Variants in CACHD1 observed in about 807,000 individuals in gnomAD.
CACHD1 encodes the protein VWFA and cache domain-containing protein 1.
In CACHD1, 71 loss-of-function variants were observed where a neutral mutation model predicts 138.7. That is an observed-to-expected ratio of 0.51 (90% CI 0.42 to 0.62). The LOEUF (loss-of-function observed/expected upper bound fraction) is 0.62. Among genes scored for constraint, CACHD1 ranks in the 20% least tolerant of loss-of-function variants. The probability of loss-of-function intolerance (pLI) is 0.00; values close to 1 mark genes in which losing one functional copy is unlikely to be tolerated. For synonymous variants in CACHD1, 578 were observed against 591.5 expected (o/e 0.98, Z 0.33); for missense variants, 1,389 against 1,625.3 (o/e 0.85, Z 2.50).
intron 2 of CACHD1, among the ~76,000 whole-genome samples, chr1:64,552,647 G>A (rs1310186216): frequency 6.6e-6 from 1 of 151,726 alleles, no homozygotes; most frequent in Non-Finnish European, 1.5e-5. Flanking sequence ...CTGATTTTTT[G>A]TTGTTGTTTT....
chr1:64,486,403 C>T (rs1392892725), intron 1 of CACHD1, among the ~76,000 whole-genome samples: 1 of 151,714 alleles, frequency 6.6e-6, no homozygotes, highest in Non-Finnish European at 1.5e-5. Flanking sequence ...TACACATACA[C>T]ACACACACAT....
chr1:64,651,776 C>A (rs1649105290), intron 9 of CACHD1, among the ~76,000 whole-genome samples: 1 of 152,218 alleles, frequency 6.6e-6, no homozygotes, highest in Admixed American at 6.5e-5. Flanking sequence ...TTTTTAGATT[C>A]ATTGTCCATT....
At chr1:64,505,229 A>C (rs1456680802) in intron 1 of CACHD1, among the ~76,000 whole-genome samples, 1 of 152,134 alleles carries the variant, frequency 6.6e-6, no homozygotes, top group Non-Finnish European at 1.5e-5. Context: ...CCCAGTGCAG[A>C]TGGAAAGGAA....
rs1394302833 is a variant in CACHD1 at position 64,489,397 on chromosome 1, A to C, written c.198+18455A>C. Among the ~76,000 whole-genome samples, 3 of 152,150 alleles carry C rather than the reference A, an allele frequency of 2.0e-5. No homozygotes were observed. In the South Asian group the frequency reaches 6.2e-4, roughly 31 times the overall value. ...TAAGTAGTGCAGAGACCTTCCCCAA[A>C]GGAGGCGAGAGATATGGATGATTCC... On this transcript the variant is annotated intron_variant, in intron 1 of 26. Coordinates refer to ENST00000651257, the MANE Select transcript of CACHD1 (RefSeq NM_020925.4).
intron 16 of CACHD1, 75 bp downstream of exon 16, chr1:64,666,242 C>G (rs530829844): frequency 3.9e-5 from 36 of 913,848 alleles, no homozygotes; most frequent in Admixed American, 1.3e-4. Context: ...TAGAAGAGTA[C>G]GCGCACCAAG....
At chr1:64,650,889 AT>A (rs1247523907) in intron 9 of CACHD1, among the ~76,000 whole-genome samples, 2 of 152,230 alleles carry the variant, frequency 1.3e-5, no homozygotes, top group African/African-American at 4.8e-5. Flanking sequence ...CGTAAAGATC[AT>A]TTTATCTCAC....
intron 1 of CACHD1, among the ~76,000 whole-genome samples, chr1:64,524,825 A>G (rs1056244752): frequency 1.3e-5 from 2 of 152,182 alleles, no homozygotes; most frequent in East Asian, 1.9e-4. Context: ...TGTGCTCACT[A>G]TATTTCTGGC....
intron 1 of CACHD1, among the ~76,000 whole-genome samples, chr1:64,505,288 T>C (rs190735564): frequency 3.9e-4 from 59 of 152,158 alleles, no homozygotes; most frequent in Admixed American, 3.9e-3. Flanking sequence ...CCTGTACTGG[T>C]ACCTGCTCAG....
rs1649533856 is a variant in CACHD1 at position 64,663,834 on chromosome 1, C to T, written c.2091C>T (p.Leu697=). 6.2e-7 allele frequency: 1 copy of T among 1,614,116 alleles called. No homozygotes were observed. The highest frequency in any genetic ancestry group is 1.1e-5 in the South Asian group (1 of 91,078). ...DNTRLIANPG[L]KFSVRNEVMA... is the part of the protein sequence containing the mutation. ...CCCGCCTCATTGCTAACCCGGGCCT[C>T]AAAGTAAGCATTGGCGCAGAGCTCC... Residue 697 remains leucine (L), a synonymous_variant, in exon 14 of 27, where the codon CTC becomes CTT. Transcript: ENST00000651257.
intron 16 of CACHD1, among the ~76,000 whole-genome samples, chr1:64,669,505 C>T (rs1188836900): frequency 6.6e-6 from 1 of 152,128 alleles, no homozygotes; most frequent in Non-Finnish European, 1.5e-5. Flanking sequence ...TCTTGTGATT[C>T]TTTCATACAC....
chr1:64,671,653 C>G lies in CACHD1; in HGVS notation c.2477C>G (p.Pro826Arg), dbSNP rs750982354. Residue 826 changes from proline (P) to arginine (R), a missense_variant, in exon 17 of 27, where the codon CCT becomes CGT. Physicochemically the swap from Pro to Arg is moderately radical, Grantham distance 103 (BLOSUM62 -2). Transcript: ENST00000651257. ...TACAAAGTTCTGATGGACCTATTACCTGTCTGTAACCAAGATGGTGGCAAC... is the reference window on the plus strand; with the variant it reads ...TACAAAGTTCTGATGGACCTATTACGTGTCTGTAACCAAGATGGTGGCAAC... ...YFYKVLMDLL[P>R]VCNQDGGNKI... The G allele has an allele frequency of 1.2e-6, 2 of 1,614,006 alleles. No homozygotes were observed. The highest frequency in any genetic ancestry group is 3.3e-5 in the Admixed American group (2 of 60,010).
intron 7 of CACHD1, among the ~76,000 whole-genome samples, chr1:64,640,725 ACACACACT>A (rs1208584730): frequency 2.0e-4 from 19 of 93,138 alleles, no homozygotes; most frequent in Admixed American, 6.6e-4. Flanking sequence ...ACACACACAC[ACACACACT>A]CTCAACATTA....
chr1:64,592,278 C>T (rs979967564), intron 3 of CACHD1, among the ~76,000 whole-genome samples: 5 of 152,140 alleles, frequency 3.3e-5, no homozygotes, highest in Non-Finnish European at 5.9e-5. Context: ...TCATTTTCGA[C>T]TCAACTTGTC....
intron 1 of CACHD1, among the ~76,000 whole-genome samples, chr1:64,508,974 C>T (rs1339696774): frequency 6.6e-6 from 1 of 152,156 alleles, no homozygotes; most frequent in Non-Finnish European, 1.5e-5. Context: ...CTGCTACTCC[C>T]CTCATCTTTG....
chr1:64,620,769 T>C (rs1283276980), intron 4 of CACHD1, among the ~76,000 whole-genome samples: 1 of 152,220 alleles, frequency 6.6e-6, no homozygotes, highest in Non-Finnish European at 1.5e-5. Context: ...ATTTGTAATA[T>C]TTTGGAAACT....
chr1:64,679,799 T>C, intron 24 of CACHD1, 43 bp downstream of exon 24: 1 of 1,605,584 alleles, frequency 6.2e-7, no homozygotes, highest in African/African-American at 1.3e-5. Context: ...GCAGCCAGGC[T>C]AGAAGGACAG....
At chr1:64,491,636 C>T (rs1478187053) in intron 1 of CACHD1, among the ~76,000 whole-genome samples, 2 of 152,170 alleles carry the variant, frequency 1.3e-5, no homozygotes, top group East Asian at 1.9e-4. Context: ...TGATGTGAGA[C>T]TTGGGTGGGG....
intron 8 of CACHD1, among the ~76,000 whole-genome samples, chr1:64,645,142 C>T (rs773523012): frequency 2.6e-5 from 4 of 151,906 alleles, no homozygotes; most frequent in Non-Finnish European, 2.9e-5. Flanking sequence ...AGATAAGAGA[C>T]TGGAAAGGGT....
At chr1:64,562,307 T>C (rs12095363) in intron 2 of CACHD1, among the ~76,000 whole-genome samples, 123,455 of 151,786 alleles carry the variant, frequency 0.81, 52,242 homozygotes, top group South Asian at 0.94. Context: ...TCTTTTGATA[T>C]TTTACTACAA....
Sources: allele counts gnomAD v4.1 joint callset (sites outside exome capture counted in the v4.1 genomes callset), GRCh38; gene constraint gnomAD v4.1.1; transcripts MANE v1.5; gene names NCBI Gene and HGNC (gene_info 2026-07-23, HGNC 2026-07-21).